Variants in NRXN3 observed in about 807,000 individuals in gnomAD.
The protein encoded by NRXN3 is neurexin III.
In NRXN3, 32 loss-of-function variants were observed where a neutral mutation model predicts 137.6. The ratio of observed to expected loss-of-function variants is 0.23; its 90% CI spans 0.18 to 0.31. The LOEUF is 0.31. NRXN3 is among the 10% of genes least tolerant of loss of function. NRXN3 has a pLI of 1.00. For missense variants in NRXN3, 1,574 were observed against 2,062.5 expected, an observed-to-expected ratio of 0.76 and a Z score of 4.59; for synonymous variants, 798 against 784.5, an observed-to-expected ratio of 1.02 and a Z score of -0.29.
At chr14:79,368,177 C>T (rs1244410118) in intron 15 of NRXN3, among the ~76,000 whole-genome samples, 1 of 152,062 alleles carries the variant, frequency 6.6e-6, no homozygotes. Context: ...TTTTAAAATT[C>T]CCCAGTTTAG....
chr14:79,453,038 G>C (rs1398822431), intron 15 of NRXN3, among the ~76,000 whole-genome samples: 1 of 152,120 alleles, frequency 6.6e-6, no homozygotes, highest in Non-Finnish European at 1.5e-5. Flanking sequence ...GATTCATTTT[G>C]ATCTCTTATG....
chr14:79,789,203 C>T (rs2099138037), intron 19 of NRXN3, among the ~76,000 whole-genome samples: 1 of 152,152 alleles, frequency 6.6e-6, no homozygotes, highest in East Asian at 1.9e-4. Context: ...AGTTCATTAA[C>T]AGGAGGAGGT....
At chr14:79,273,200 A>AAGG (rs1387362455) in intron 15 of NRXN3, among the ~76,000 whole-genome samples, 1 of 127,658 alleles carries the variant, frequency 7.8e-6, no homozygotes, top group Non-Finnish European at 1.7e-5. Context: ...AAAAAAAAAA[A>AAGG]TGGGTGGGAG....
chr14:79,681,815 C>T (rs114937946), intron 17 of NRXN3, among the ~76,000 whole-genome samples: 2,229 of 151,818 alleles, frequency 0.015, 37 homozygotes, highest in African/African-American at 0.05. Flanking sequence ...ATATTTCCCT[C>T]GTAAATTTTC....
intron 20 of NRXN3, among the ~76,000 whole-genome samples, chr14:79,822,596 G>A (rs1208734997): frequency 6.6e-6 from 1 of 151,984 alleles, no homozygotes; most frequent in Non-Finnish European, 1.5e-5. Context: ...TGTTCTCTAT[G>A]TTGCCACATT....
intron 15 of NRXN3, among the ~76,000 whole-genome samples, chr14:79,252,871 A>G (rs961977552): frequency 2.0e-5 from 3 of 152,162 alleles, no homozygotes; most frequent in Non-Finnish European, 4.4e-5. Flanking sequence ...AACTTTCAAT[A>G]TAACATTCAA....
intron 15 of NRXN3, among the ~76,000 whole-genome samples, chr14:79,108,233 C>T (rs2052817952): frequency 6.6e-6 from 1 of 152,070 alleles, no homozygotes; most frequent in Non-Finnish European, 1.5e-5. Flanking sequence ...TTTAGAAAAT[C>T]CTAATCATTT....
At chr14:78,598,660 TG>T (rs2097178138) in intron 4 of NRXN3, among the ~76,000 whole-genome samples, 1 of 152,240 alleles carries the variant, frequency 6.6e-6, no homozygotes, top group Non-Finnish European at 1.5e-5. Flanking sequence ...CAAAGGGAGC[TG>T]GTTAATATGG....
At chr14:79,340,183 GTGTGTGTA>G (rs944910770) in intron 15 of NRXN3, among the ~76,000 whole-genome samples, 5 of 151,778 alleles carry the variant, frequency 3.3e-5, no homozygotes, top group African/African-American at 1.2e-4. Context: ...GTGTGTGTGT[GTGTGTGTA>G]TGTGTGTGAG....
chr14:79,412,957 C>G (rs2095440862), intron 15 of NRXN3, among the ~76,000 whole-genome samples: 1 of 152,064 alleles, frequency 6.6e-6, no homozygotes, highest in South Asian at 2.1e-4. Context: ...TAGGGCCCAG[C>G]AAATCAAATA....
At chr14:78,498,704 G>A (rs2095830918) in intron 4 of NRXN3, among the ~76,000 whole-genome samples, 1 of 152,284 alleles carries the variant, frequency 6.6e-6, no homozygotes, top group South Asian at 2.1e-4. Context: ...TAATTTCAGT[G>A]GTGACTTTAG....
intron 15 of NRXN3, among the ~76,000 whole-genome samples, chr14:78,988,626 A>G (rs547388904): frequency 4.3e-4 from 65 of 152,194 alleles, no homozygotes; most frequent in Non-Finnish European, 8.1e-4. Context: ...TGACAAAGAC[A>G]TTCAAGAGTT....
At chr14:78,962,183 T>C (rs1597944682) in intron 11 of NRXN3, among the ~76,000 whole-genome samples, 1 of 152,240 alleles carries the variant, frequency 6.6e-6, no homozygotes, top group South Asian at 2.1e-4. Flanking sequence ...CTGAGTTCAA[T>C]GTAGGGGTCT....
intron 3 of NRXN3, among the ~76,000 whole-genome samples, chr14:78,293,005 CA>C (rs2075963034): frequency 6.6e-6 from 1 of 152,152 alleles, no homozygotes; most frequent in Non-Finnish European, 1.5e-5. Context: ...GCATGCCTAG[CA>C]TAGACTCTGT....
intron 10 of NRXN3, among the ~76,000 whole-genome samples, chr14:78,931,584 C>G (rs1191025627): frequency 1.3e-5 from 2 of 151,924 alleles, no homozygotes; most frequent in South Asian, 2.1e-4. Flanking sequence ...AGATGAGGAC[C>G]CTGAGAATCA....
At chr14:78,406,570 C>T in intron 4 of NRXN3, among the ~76,000 whole-genome samples, 1 of 152,090 alleles carries the variant, frequency 6.6e-6, no homozygotes, top group East Asian at 1.9e-4. Flanking sequence ...CACTAATGTC[C>T]CATAGCAGAG....
intron 19 of NRXN3, among the ~76,000 whole-genome samples, chr14:79,710,356 A>AAAAT (rs2098798805): frequency 6.6e-6 from 1 of 152,196 alleles, no homozygotes; most frequent in South Asian, 2.1e-4. Flanking sequence ...ACTTTAAAAA[A>AAAAT]AAATAATAAA....
At chr14:79,286,535 A>ATAT (rs142267964) in intron 15 of NRXN3, among the ~76,000 whole-genome samples, 1 of 139,676 alleles carries the variant, frequency 7.2e-6, no homozygotes, top group Non-Finnish European at 1.6e-5. Context: ...TTGAGAGAAT[A>ATAT]ATATATATAT....
At chr14:79,208,098 A>G (rs910304496) in intron 15 of NRXN3, among the ~76,000 whole-genome samples, 2 of 152,172 alleles carry the variant, frequency 1.3e-5, no homozygotes, top group African/African-American at 2.4e-5. Context: ...TGTAGAAAGA[A>G]AGACTACATT....
Sources: gnomAD v4.1 joint callset for allele counts (sites outside exome capture counted in the v4.1 genomes callset) on GRCh38, gnomAD v4.1.1 for gene constraint, MANE v1.5 for transcripts, NCBI Gene and HGNC (gene_info 2026-07-23, HGNC 2026-07-21) for gene names.